ADGRL2: variants seen among roughly 807,000 people sequenced by gnomAD.
ADGRL2 encodes the protein adhesion G protein-coupled receptor L2.
ADGRL2 carries 44 observed loss-of-function variants against 157.4 expected under a neutral mutation model. That is an observed-to-expected ratio of 0.28 (90% CI 0.22 to 0.36). The LOEUF is 0.36. Ranked by LOEUF, ADGRL2 falls within the 10% of genes least tolerant of loss-of-function variation. The pLI is 1.00. For missense variants in ADGRL2, 1,510 were observed against 1,768.9 expected (o/e 0.85, Z 2.63); for synonymous variants, 585 against 624.7 (o/e 0.94, Z 0.95).
At chr1:81,447,454 G>T (rs892361117) in intron 2 of ADGRL2, among the ~76,000 whole-genome samples, 1 of 152,150 alleles carries the variant, frequency 6.6e-6, no homozygotes, top group Non-Finnish European at 1.5e-5. Flanking sequence ...CTCTGATAGT[G>T]TAAGAAGCAA....
chr1:81,819,563 G>GT (rs942752132), intron 1 of ADGRL2, among the ~76,000 whole-genome samples: 1 of 152,066 alleles, frequency 6.6e-6, no homozygotes, highest in Middle Eastern at 3.2e-3. Flanking sequence ...CACTGCATAT[G>GT]TTTAAGTGAT....
chr1:81,630,481 T>G (rs1032840556), intron 3 of ADGRL2, among the ~76,000 whole-genome samples: 1 of 152,214 alleles, frequency 6.6e-6, no homozygotes, highest in Non-Finnish European at 1.5e-5. Flanking sequence ...CCAACTGCAA[T>G]TTTTTAAAAA....
intron 1 of ADGRL2, among the ~76,000 whole-genome samples, chr1:81,804,892 CTG>C (rs1036987984): frequency 5.3e-5 from 8 of 152,114 alleles, no homozygotes; most frequent in Non-Finnish European, 1.0e-4. Flanking sequence ...ACGTAGGTAA[CTG>C]TTTTTTATGT....
intron 1 of ADGRL2, among the ~76,000 whole-genome samples, chr1:81,428,104 GA>G (rs1266582651): frequency 6.6e-6 from 1 of 152,156 alleles, no homozygotes; most frequent in East Asian, 1.9e-4. Context: ...TATTTTGTAT[GA>G]ATTTTGCTAA....
intron 17 of ADGRL2, among the ~76,000 whole-genome samples, chr1:81,977,197 T>C (rs1660414791): frequency 2.0e-5 from 3 of 151,846 alleles, no homozygotes; most frequent in African/African-American, 7.2e-5. Flanking sequence ...CCACTGTATA[T>C]AGGATTGTAG....
intron 3 of ADGRL2, among the ~76,000 whole-genome samples, chr1:81,922,333 A>G (rs1009288901): frequency 1.3e-5 from 2 of 152,104 alleles, no homozygotes; most frequent in Non-Finnish European, 2.9e-5. Context: ...TTGTGAGTGA[A>G]TTCCCTCCTT....
chr1:81,460,144 G>C (rs1345980751), intron 2 of ADGRL2, among the ~76,000 whole-genome samples: 1 of 151,746 alleles, frequency 6.6e-6, no homozygotes, highest in Non-Finnish European at 1.5e-5. Context: ...TATTTCTTAG[G>C]TTGCTTTTTC....
chr1:81,359,578 T>A (rs2075939449), intron 1 of ADGRL2, among the ~76,000 whole-genome samples: 1 of 152,080 alleles, frequency 6.6e-6, no homozygotes, highest in Admixed American at 6.5e-5. Flanking sequence ...AAGTCATACA[T>A]AATAGACATT....
chr1:81,819,116 G>A (rs930090465), intron 1 of ADGRL2, among the ~76,000 whole-genome samples: 9 of 152,148 alleles, frequency 5.9e-5, no homozygotes, highest in South Asian at 2.1e-4. Flanking sequence ...AGCATTCAAG[G>A]TGGTGTATCC....
At chr1:81,473,013 A>G (rs913306483) in intron 2 of ADGRL2, among the ~76,000 whole-genome samples, 13 of 152,064 alleles carry the variant, frequency 8.5e-5, no homozygotes, top group Non-Finnish European at 1.6e-4. Context: ...TTTCTCCACA[A>G]TTAGGACCCC....
intron 1 of ADGRL2, among the ~76,000 whole-genome samples, chr1:81,398,933 A>G (rs1557659172): frequency 6.6e-6 from 1 of 152,176 alleles, no homozygotes; most frequent in Non-Finnish European, 1.5e-5. Flanking sequence ...CTGAATCTGA[A>G]TGTCCATATC....
chr1:81,703,161 C>T (rs1000518910), intron 1 of ADGRL2, among the ~76,000 whole-genome samples: 8 of 152,088 alleles, frequency 5.3e-5, no homozygotes, highest in African/African-American at 1.7e-4. Flanking sequence ...ATGTATTCCA[C>T]AGAAGACATA....
At chr1:81,831,581 T>C (rs891201367) in intron 1 of ADGRL2, among the ~76,000 whole-genome samples, 1 of 151,934 alleles carries the variant, frequency 6.6e-6, no homozygotes, top group Non-Finnish European at 1.5e-5. Flanking sequence ...TTACTTTCCT[T>C]GAGTAGGTTA....
chr1:81,873,531 A>C (rs1355237929), intron 2 of ADGRL2, among the ~76,000 whole-genome samples: 1 of 152,128 alleles, frequency 6.6e-6, no homozygotes, highest in Non-Finnish European at 1.5e-5. Flanking sequence ...ATTACAGAAA[A>C]TGGAGTAGCC....
At chr1:81,733,657 G>A (rs1001736602) in intron 1 of ADGRL2, among the ~76,000 whole-genome samples, 5 of 152,246 alleles carry the variant, frequency 3.3e-5, no homozygotes, top group East Asian at 1.9e-4. Context: ...TGTGGGGGAC[G>A]GGGCACAATT....
intron 1 of ADGRL2, among the ~76,000 whole-genome samples, chr1:81,384,737 A>G (rs2076404911): frequency 6.6e-6 from 1 of 152,170 alleles, no homozygotes; most frequent in African/African-American, 2.4e-5. Flanking sequence ...AGAACACTCT[A>G]AGTAACAACG....
chr1:81,691,814 T>C (rs1421011568), intron 3 of ADGRL2, among the ~76,000 whole-genome samples: 2 of 150,336 alleles, frequency 1.3e-5, no homozygotes, highest in East Asian at 2.0e-4. Flanking sequence ...TTTAGGACTT[T>C]TGATTATCAA....
At chr1:81,401,469 A>G (rs1337548068) in intron 1 of ADGRL2, among the ~76,000 whole-genome samples, 1 of 152,066 alleles carries the variant, frequency 6.6e-6, no homozygotes, top group Non-Finnish European at 1.5e-5. Flanking sequence ...TCTGTTCTCT[A>G]TGTGGCCATG....
intron 3 of ADGRL2, among the ~76,000 whole-genome samples, chr1:81,623,844 T>G (rs1037625808): frequency 1.3e-5 from 2 of 151,870 alleles, no homozygotes; most frequent in East Asian, 3.9e-4. Context: ...ACCATGTTGG[T>G]CAGGCTGGTC....
Sources: gnomAD v4.1 joint callset for allele counts (sites outside exome capture counted in the v4.1 genomes callset) on GRCh38, gnomAD v4.1.1 for gene constraint, MANE v1.5 for transcripts, NCBI Gene and HGNC (gene_info 2026-07-23, HGNC 2026-07-21) for gene names.